FKBP1A: variants seen among roughly 807,000 people sequenced by gnomAD.
FKBP1A encodes the protein peptidyl-prolyl cis-trans isomerase FKBP1A.
A neutral mutation model predicts 14.2 loss-of-function variants in FKBP1A; 5 were observed. The ratio of observed to expected loss-of-function variants is 0.35; its 90% CI spans 0.18 to 0.74. FKBP1A has a LOEUF of 0.74. Ranked by LOEUF, FKBP1A falls within the 30% of genes least tolerant of loss-of-function variation. FKBP1A has a pLI of 0.56. For missense variants in FKBP1A, 53 were observed against 138.8 expected (o/e 0.38, Z 3.10); for synonymous variants, 42 against 49.1 (o/e 0.86, Z 0.60).
chr20:1,391,415 C>A (rs958549324), intron 2 of FKBP1A, among the ~76,000 whole-genome samples: 4 of 152,188 alleles, frequency 2.6e-5, no homozygotes, highest in Non-Finnish European at 5.9e-5. Context: ...TCTAAAACAT[C>A]AAAAGCACTT....
chr20:1,390,606 T>C (rs540848278), intron 2 of FKBP1A, among the ~76,000 whole-genome samples: 10 of 152,338 alleles, frequency 6.6e-5, no homozygotes, highest in African/African-American at 2.4e-4. Flanking sequence ...CTCCACCTTC[T>C]GATCATGTTC....
At chr20:1,383,684 T>TAA (rs34991787) in intron 2 of FKBP1A, among the ~76,000 whole-genome samples, 23,310 of 125,082 alleles carry the variant, frequency 0.19, 2,565 homozygotes, top group African/African-American at 0.29. Context: ...TGCAAAAAAT[T>TAA]AAAAAAAAAA....
At chr20:1,381,037 T>G (rs1425460535) in intron 2 of FKBP1A, among the ~76,000 whole-genome samples, 4 of 152,226 alleles carry the variant, frequency 2.6e-5, no homozygotes, top group African/African-American at 7.2e-5. Context: ...AAAGAAATCT[T>G]TGTGACCTCG....
chr20:1,384,776 G>C (rs2089652450), intron 2 of FKBP1A, among the ~76,000 whole-genome samples: 2 of 152,188 alleles, frequency 1.3e-5, no homozygotes, highest in Middle Eastern at 3.4e-3. Flanking sequence ...TATGACCAAA[G>C]GTCCAAGTGC....
intron 4 of FKBP1A, 80 bp from the exon 5 acceptor site, chr20:1,370,152 G>A (rs887918095): frequency 2.4e-5 from 36 of 1,518,292 alleles, no homozygotes; most frequent in Non-Finnish European, 3.1e-5. Context: ...GATGCCATCT[G>A]CCACGCCAAA....
intron 3 of FKBP1A, chr20:1,375,220 G>A (rs1392144975): frequency 1.8e-6 from 1 of 571,210 alleles, no homozygotes; most frequent in Non-Finnish European, 3.1e-6. Context: ...TAGTGGTATT[G>A]CAAGTGTCAA....
chr20:1,374,011 T>C (rs1186347918), intron 3 of FKBP1A, among the ~76,000 whole-genome samples: 1 of 152,224 alleles, frequency 6.6e-6, no homozygotes, highest in Non-Finnish European at 1.5e-5. Context: ...TATTTGGAGA[T>C]AAATCAGTGA....
At position 1,392,967 on chromosome 20, in the gene FKBP1A, C is replaced by T. The variant is rs2089760031; in HGVS notation, c.32G>A (p.Gly11Glu). 1 of 1,499,566 alleles carries T rather than the reference C, an allele frequency of 6.7e-7. No individual in the cohort carries two copies. Among genetic ancestry groups the T allele is most frequent in the Non-Finnish European group, 8.8e-7 (1 of 1,131,934 alleles). The allele number at this position is 1,499,566 out of a possible 1,614,324, so 92.9% of individuals were successfully genotyped here. The change falls in exon 1 of 5, where the codon GGA becomes GAA. Residue 11 changes from glycine to glutamate, a missense_variant. Coordinates refer to ENST00000400137, the MANE Select transcript of FKBP1A (RefSeq NM_000801.5). MGVQVETISP[G>E]DGRTFPKRGQ... ...CGCCGCGCGCCACTACTCACCGTCTCCTGGGGAGATGGTTTCCACCTGCAC... is the reference window on the plus strand; with the variant it reads ...CGCCGCGCGCCACTACTCACCGTCTTCTGGGGAGATGGTTTCCACCTGCAC...
At chr20:1,392,734 C>T in intron 2 of FKBP1A, 100 bp downstream of exon 2, 8 of 853,992 alleles carry the variant, frequency 9.4e-6, no homozygotes, top group Non-Finnish European at 1.3e-5. Flanking sequence ...CGCCGCCACG[C>T]CCCGGACCCC....
intron 4 of FKBP1A, chr20:1,371,678 T>TC (rs1291806821): frequency 9.2e-6 from 9 of 979,052 alleles, no homozygotes; most frequent in South Asian, 4.7e-5. Flanking sequence ...GCTTTTTTTT[T>TC]CCCCCTCTAG....
intron 2 of FKBP1A, among the ~76,000 whole-genome samples, chr20:1,380,141 G>A (rs993381836): frequency 1.3e-5 from 2 of 151,930 alleles, no homozygotes; most frequent in African/African-American, 4.8e-5. Context: ...TAGCTACAAC[G>A]ATGGTTTGTA....
intron 2 of FKBP1A, among the ~76,000 whole-genome samples, chr20:1,388,647 T>A (rs1241364395): frequency 2.0e-5 from 3 of 151,906 alleles, no homozygotes; most frequent in African/African-American, 7.3e-5. Context: ...GCCCACTGCC[T>A]GAGCTGGCAC....
chr20:1,369,860 A>G lies in FKBP1A; in HGVS notation c.*249T>C, dbSNP rs1329062398. On this transcript the variant is annotated 3_prime_UTR_variant, in exon 5 of 5. Coordinates refer to ENST00000400137, the MANE Select transcript of FKBP1A (RefSeq NM_000801.5). ...CACCCCAAAATGAAAACAAAATAAA[A>G]TGAATAACTTGAGGTTTATGGCATA... 3.1e-6 allele frequency: 2 copies of G among 648,194 alleles called. No individual in the cohort carries two copies. The allele number at this position is 648,194 out of a possible 1,614,324, so 40.2% of individuals were successfully genotyped here.
chr20:1,372,837 G>A (rs575311752), intron 3 of FKBP1A, among the ~76,000 whole-genome samples: 32 of 152,168 alleles, frequency 2.1e-4, no homozygotes, highest in Admixed American at 5.9e-4. Flanking sequence ...AACATCTTTG[G>A]AAGGACATAC....
At chr20:1,370,180 G>A (rs765152315) in intron 4 of FKBP1A, 108 bp from the exon 5 acceptor site, 63 of 1,487,170 alleles carry the variant, frequency 4.2e-5, no homozygotes, top group Non-Finnish European at 5.4e-5. Context: ...CCCAACAGCT[G>A]AGCAGTCTGA....
Position 1,389,025 on chromosome 20 carries a change from T to G in FKBP1A, c.85+3809A>C, listed in dbSNP as rs74508215. ...CTGTAGCTCCCTCTCCAATGTCCTT[T>G]GAGTGAATGTTAAAATGCCATTTTT... On this transcript the variant is annotated intron_variant, in intron 2 of 4. Transcript: ENST00000400137. Among the ~76,000 whole-genome samples the G allele has an allele frequency of 1.4e-3, 214 of 152,302 alleles. 1 individual carries two copies. Among genetic ancestry groups the G allele is most frequent in the African/African-American group, 4.9e-3 (205 of 41,572 alleles).
intron 2 of FKBP1A, chr20:1,376,739 A>G (rs1222684220): frequency 6.6e-6 from 1 of 150,778 alleles, no homozygotes; most frequent in Non-Finnish European, 1.5e-5. Flanking sequence ...ATTTAGTAAA[A>G]TAGTAAAACT....
chr20:1,370,562 T>C, intron 4 of FKBP1A: 1 of 985,466 alleles, frequency 1.0e-6, no homozygotes, highest in Non-Finnish European at 1.2e-6. Flanking sequence ...TCATTCATAA[T>C]GTTGAGTATA....
intron 2 of FKBP1A, among the ~76,000 whole-genome samples, chr20:1,384,848 A>G (rs2089652951): frequency 6.6e-6 from 1 of 152,220 alleles, no homozygotes; most frequent in Non-Finnish European, 1.5e-5. Flanking sequence ...CAACAGTGCA[A>G]GCACATTTCC....
Sources: gnomAD v4.1 joint callset for allele counts (sites outside exome capture counted in the v4.1 genomes callset) on GRCh38, gnomAD v4.1.1 for gene constraint, MANE v1.5 for transcripts, NCBI Gene and HGNC (gene_info 2026-07-23, HGNC 2026-07-21) for gene names.